NSMCE2: variants seen among roughly 807,000 people sequenced by gnomAD.
The protein encoded by NSMCE2 is NSE2 SUMO ligase component of SMC5/6 complex, also known as E3 SUMO-protein ligase NSE2.
NSMCE2 carries 24 observed loss-of-function variants against 23.8 expected under a neutral mutation model. The observed-to-expected ratio is 1.01, with a 90% confidence interval of 0.73 to 1.42. The LOEUF (loss-of-function observed/expected upper bound fraction) is 1.42, where lower values mean the gene tolerates loss of function less well. Among genes scored for constraint, NSMCE2 ranks in the 40% most tolerant of loss-of-function variants. The pLI, the probability that NSMCE2 is intolerant of heterozygous loss-of-function variation, is 0.00. For missense variants in NSMCE2, 284 were observed against 296.5 expected, an observed-to-expected ratio of 0.96 and a Z score of 0.31; for synonymous variants, 92 against 94.1, an observed-to-expected ratio of 0.98 and a Z score of 0.13.
At chr8:125,248,944 C>T (rs565422364) in intron 5 of NSMCE2, among the ~76,000 whole-genome samples, 3 of 152,094 alleles carry the variant, frequency 2.0e-5, no homozygotes, top group Non-Finnish European at 2.9e-5. Context: ...CTGAGGCAGG[C>T]GGATTACTTG....
At chr8:125,237,299 C>G (rs1825596386) in intron 5 of NSMCE2, among the ~76,000 whole-genome samples, 1 of 152,148 alleles carries the variant, frequency 6.6e-6, no homozygotes, top group Non-Finnish European at 1.5e-5. Flanking sequence ...TTACTATAAC[C>G]TAATCGAGGG....
At chr8:125,349,216 TACATACTC>T (rs1812924849) in intron 5 of NSMCE2, among the ~76,000 whole-genome samples, 1 of 152,208 alleles carries the variant, frequency 6.6e-6, no homozygotes, top group South Asian at 2.1e-4. Context: ...TTGGCACAGA[TACATACTC>T]ACATGCTATA....
intron 4 of NSMCE2, among the ~76,000 whole-genome samples, chr8:125,165,225 G>A (rs1366814348): frequency 1.3e-5 from 2 of 152,144 alleles, no homozygotes; most frequent in Non-Finnish European, 2.9e-5. Flanking sequence ...AGATAACTTA[G>A]GTAAAGTACT....
chr8:125,298,394 A>C (rs1828412054), intron 5 of NSMCE2, among the ~76,000 whole-genome samples: 1 of 152,226 alleles, frequency 6.6e-6, no homozygotes, highest in African/African-American at 2.4e-5. Flanking sequence ...AGATGTGGAA[A>C]CTGAGACACA....
intron 5 of NSMCE2, among the ~76,000 whole-genome samples, chr8:125,350,237 A>T (rs1812976916): frequency 6.6e-6 from 1 of 152,198 alleles, no homozygotes; most frequent in Non-Finnish European, 1.5e-5. Flanking sequence ...GAGTGATGTG[A>T]TAGAGAAAGT....
intron 5 of NSMCE2, among the ~76,000 whole-genome samples, chr8:125,189,174 C>T (rs1823237412): frequency 6.6e-6 from 1 of 152,204 alleles, no homozygotes; most frequent in Non-Finnish European, 1.5e-5. Context: ...GACCTCTCAG[C>T]AAGGCAATCT....
chr8:125,207,420 T>G (rs2130876335), intron 5 of NSMCE2, among the ~76,000 whole-genome samples: 1 of 152,336 alleles, frequency 6.6e-6, no homozygotes, highest in African/African-American at 2.4e-5. Flanking sequence ...GCAATTACTT[T>G]TTATTTAGAA....
intron 5 of NSMCE2, among the ~76,000 whole-genome samples, chr8:125,291,711 T>C (rs1369027578): frequency 6.6e-6 from 1 of 152,220 alleles, no homozygotes. Flanking sequence ...GTTATATTAG[T>C]ATTTTTGTTG....
At chr8:125,313,446 C>T (rs1254546611) in intron 5 of NSMCE2, among the ~76,000 whole-genome samples, 1 of 151,938 alleles carries the variant, frequency 6.6e-6, no homozygotes, top group Non-Finnish European at 1.5e-5. Flanking sequence ...GTGGAAAACA[C>T]TTTAAAGAAG....
chr8:125,341,731 G>A (rs1380217989), intron 5 of NSMCE2, among the ~76,000 whole-genome samples: 4 of 151,918 alleles, frequency 2.6e-5, no homozygotes, highest in Non-Finnish European at 4.4e-5. Context: ...CTACCCTCCC[G>A]AAGTCCATTC....
At chr8:125,357,123 T>C in intron 5 of NSMCE2, 96 bp from the exon 6 acceptor site, 2 of 761,168 alleles carry the variant, frequency 2.6e-6, no homozygotes, top group Non-Finnish European at 4.5e-6. Flanking sequence ...CAACAGCAAA[T>C]GCTCCCCCAG....
rs531686055 is a variant in NSMCE2, at chr8:125,201,646, C to T, written c.418+19390C>T. Among the ~76,000 whole-genome samples the T allele has an allele frequency of 4.1e-4, 62 of 152,320 alleles. No homozygotes were observed. The South Asian group carries it at 0.013, about 31-fold the overall frequency. On this transcript the variant is annotated intron_variant, in intron 5 of 7. Transcript: ENST00000287437. ...TGTCTTCCAGTTAGGCTACACAGCG[C>T]TCAGGGACCCACTTGAGGAAGCAGT...
rs374349288 is a variant in NSMCE2, at chr8:125,357,265, T to G, written c.465T>G (p.Asp155Glu). The change falls in exon 6 of 8, where the codon GAT becomes GAG. Residue 155 changes from aspartate (D) to glutamate (E), a missense_variant. Transcript: ENST00000287437. ...AAGCTGACGGAACAGAAGGAGTGGA[T>G]GAAGATATAATTGTGACCCAAAGTC... ...DREADGTEGV[D>E]EDIIVTQSQT... The G allele has an allele frequency of 5.5e-5, 88 of 1,613,758 alleles. No individual in the cohort carries two copies. Among genetic ancestry groups the G allele is most frequent in the Non-Finnish European group, 7.0e-5 (83 of 1,179,808 alleles).
intron 4 of NSMCE2, among the ~76,000 whole-genome samples, chr8:125,161,302 T>A (rs1419762082): frequency 1.3e-5 from 2 of 151,694 alleles, no homozygotes; most frequent in African/African-American, 4.8e-5. Flanking sequence ...CTTCCTTTTT[T>A]AAAAAAAAAG....
chr8:125,360,335 AC>A (rs1266367386), intron 7 of NSMCE2, among the ~76,000 whole-genome samples: 2 of 152,152 alleles, frequency 1.3e-5, no homozygotes, highest in Non-Finnish European at 2.9e-5. Context: ...AGACGAGTCA[AC>A]CCGCTCAACT....
chr8:125,163,460 T>C (rs1030280388), intron 4 of NSMCE2, among the ~76,000 whole-genome samples: 17 of 152,216 alleles, frequency 1.1e-4, no homozygotes, highest in Admixed American at 1.0e-3. Flanking sequence ...TTCTAATCCA[T>C]GTTCTACCAG....
rs569477040 is a variant in NSMCE2 at position 125,223,844 on chromosome 8, C to T, written c.418+41588C>T. Among the ~76,000 whole-genome samples, 26 of 126,358 alleles carry T rather than the reference C, an allele frequency of 2.1e-4. No homozygotes were observed. In the South Asian group the frequency reaches 2.8e-3, roughly 14 times the overall value. 82.9% of individuals were successfully genotyped at this position (126,358 alleles called of 152,430 possible). ...TTTTTTTTTTTGAGTCAGGGTCTTG[C>T]GCTGTCACGCAGGCTGGAGTATAGT... On this transcript the variant is annotated intron_variant, in intron 5 of 7. Coordinates refer to ENST00000287437, the MANE Select transcript of NSMCE2 (RefSeq NM_173685.4).
intron 4 of NSMCE2, among the ~76,000 whole-genome samples, chr8:125,174,696 C>T (rs187364279): frequency 1.3e-5 from 2 of 152,248 alleles, no homozygotes; most frequent in East Asian, 3.9e-4. Flanking sequence ...CCGAAAGGCT[C>T]GAAGGAGGAA....
At chr8:125,125,669 G>GA (rs1819483680) in intron 3 of NSMCE2, among the ~76,000 whole-genome samples, 1 of 152,194 alleles carries the variant, frequency 6.6e-6, no homozygotes, top group African/African-American at 2.4e-5. Context: ...TAGCAAAGAT[G>GA]AGAAGAGCTG....
Sources: gnomAD v4.1 joint callset for allele counts (sites outside exome capture counted in the v4.1 genomes callset) on GRCh38, gnomAD v4.1.1 for gene constraint, MANE v1.5 for transcripts, NCBI Gene and HGNC (gene_info 2026-07-23, HGNC 2026-07-21) for gene names.